The following B4GALNT3 variants were observed in gnomAD, a reference collection of about 807,000 sequenced individuals.
B4GALNT3 encodes beta-1,4-N-acetyl-galactosaminyltransferase 3.
B4GALNT3 carries 86 observed loss-of-function variants against 120.2 expected under a neutral mutation model. The ratio of observed to expected loss-of-function variants is 0.72; its 90% CI spans 0.60 to 0.86. The LOEUF (loss-of-function observed/expected upper bound fraction) is 0.86. Among genes scored for constraint, B4GALNT3 ranks in the 40% least tolerant of loss-of-function variants. The pLI is 0.00. For missense variants in B4GALNT3, 1,167 were observed against 1,298.9 expected, an observed-to-expected ratio of 0.90 and a Z score of 1.56; for synonymous variants, 518 against 510.4, an observed-to-expected ratio of 1.01 and a Z score of -0.20.
At chr12:483,737 T>C (rs1395431702) in intron 1 of B4GALNT3, among the ~76,000 whole-genome samples, 2 of 152,246 alleles carry the variant, frequency 1.3e-5, no homozygotes, top group Non-Finnish European at 2.9e-5. Context: ...ACGTGGCACA[T>C]GTGATCTCAT....
intron 1 of B4GALNT3, among the ~76,000 whole-genome samples, chr12:525,084 A>T (rs1946747751): frequency 1.0e-5 from 1 of 97,482 alleles, no homozygotes; most frequent in African/African-American, 4.3e-5. Context: ...TAAATAACAC[A>T]ATTTTATTTA....
intron 2 of B4GALNT3, 51 bp from the exon 3 acceptor site, chr12:536,167 A>G (rs1455966870): frequency 6.6e-7 from 1 of 1,512,292 alleles, no homozygotes; most frequent in East Asian, 2.3e-5. Flanking sequence ...TCCTGCCCGT[A>G]GCTTCTCATC....
At chr12:482,311 G>A (rs1289774319) in intron 1 of B4GALNT3, among the ~76,000 whole-genome samples, 1 of 152,206 alleles carries the variant, frequency 6.6e-6, no homozygotes, top group Non-Finnish European at 1.5e-5. Flanking sequence ...CACAGTCCAT[G>A]TATGCCAAGT....
intron 1 of B4GALNT3, among the ~76,000 whole-genome samples, chr12:521,782 C>T (rs1946712147): frequency 6.6e-6 from 1 of 152,174 alleles, no homozygotes; most frequent in East Asian, 1.9e-4. Context: ...GTACCGGCCT[C>T]ACTGAGGACA....
In B4GALNT3 at chr12:548,153, C is replaced by T; in HGVS notation, c.786+51C>T. On this transcript the variant is annotated intron_variant, in intron 8 of 19. Coordinates refer to ENST00000266383, the MANE Select transcript of B4GALNT3 (RefSeq NM_173593.4). The surrounding 1 kb of genome is among the most constrained non-coding windows in gnomAD (Gnocchi z 4.9). ...TCCCAGCTCAGTTCCTGGCACTCATCTCCCCTTGTCCCTTGACCCCTGTTG... is the reference window on the plus strand; with the variant it reads ...TCCCAGCTCAGTTCCTGGCACTCATTTCCCCTTGTCCCTTGACCCCTGTTG... The T allele has an allele frequency of 6.2e-7, 1 of 1,606,718 alleles. No individual in the cohort carries two copies. Among genetic ancestry groups the T allele is most frequent in the Non-Finnish European group, 8.5e-7 (1 of 1,173,304 alleles).
rs1944397819 is a variant in B4GALNT3 at position 522,567 on chromosome 12, G to A, written c.170-12599G>A. On this transcript the variant is annotated intron_variant, in intron 1 of 19. Transcript: ENST00000266383. Reference sequence around the variant, plus strand: ...GTACGGAGTTTCAGTTCGGCATGATGGGGAGGTTCCAGAGGTGGATGGTGG... The same window carrying A: ...GTACGGAGTTTCAGTTCGGCATGATAGGGAGGTTCCAGAGGTGGATGGTGG... Among the ~76,000 whole-genome samples the A allele has an allele frequency of 3.3e-5, 5 of 152,168 alleles. No homozygotes were observed. In the South Asian group the frequency reaches 1.0e-3, roughly 32 times the overall value.
In B4GALNT3 at chr12:557,602, GGGTAGTGAAGAACCA is replaced by G. The variant is rs1947173165; in HGVS notation, c.2381-3_2392del. On this transcript the variant is annotated splice_acceptor_variant and splice_polypyrimidine_tract_variant and coding_sequence_variant and intron_variant, in exon 16 of 20. Transcript: ENST00000266383. LOFTEE classifies it high-confidence loss of function. ...TTTCCTTCTCCTGCCTGACCCCCTG[GGGTAGTGAAGAACCA>G]GGCACGCTGGGTACAGCAATTCATC... is the stretch of plus-strand genomic sequence containing the variant. 1.2e-6 allele frequency: 2 copies of G among 1,607,778 alleles called. No homozygotes were observed. The highest frequency in any genetic ancestry group is 1.7e-6 in the Non-Finnish European group (2 of 1,177,898).
Position 556,715 on chromosome 12 carries a change from G to C in B4GALNT3, c.2229G>C (p.Glu743Asp). The C allele has an allele frequency of 6.2e-7, 1 of 1,613,912 alleles. No homozygotes were observed. Among genetic ancestry groups the C allele is most frequent in the Non-Finnish European group, 8.5e-7 (1 of 1,180,006 alleles). ...GWQGIDPAGG[E>D]EVEARNLQGL... is the part of the protein sequence containing the mutation. ...AGGGCATCGATCCAGCTGGTGGGGA[G>C]GAGGTCGAGGCCCGGAACCTGCAAG... The change falls in exon 15 of 20, where the codon GAG (glutamate) becomes GAC (aspartate). Residue 743 changes from glutamate to aspartate, a missense_variant. By Grantham distance (45) the Glu-to-Asp change is conservative. This residue lies in a region of B4GALNT3 where 983 missense variants were observed against 1,102.5 expected (regional missense o/e 0.89). Coordinates refer to ENST00000266383, the MANE Select transcript of B4GALNT3 (RefSeq NM_173593.4).
intron 1 of B4GALNT3, among the ~76,000 whole-genome samples, chr12:480,884 C>T (rs1222287565): frequency 1.3e-5 from 2 of 152,222 alleles, no homozygotes; most frequent in African/African-American, 4.8e-5. Context: ...TTGTCACAGC[C>T]TCCTCCTCTG....
intron 1 of B4GALNT3, among the ~76,000 whole-genome samples, chr12:482,757 A>G (rs1565590329): frequency 1.3e-5 from 2 of 152,268 alleles, no homozygotes; most frequent in East Asian, 3.9e-4. Context: ...GCTACTCAGG[A>G]GGCTAAGGTG....
At chr12:462,457 C>T (rs1477955231) in intron 1 of B4GALNT3, among the ~76,000 whole-genome samples, 5 of 150,630 alleles carry the variant, frequency 3.3e-5, no homozygotes, top group African/African-American at 1.2e-4. Context: ...TCCCGTGGGC[C>T]GCCTCATTCC....
chr12:516,021 C>T (rs1419772381), intron 1 of B4GALNT3, among the ~76,000 whole-genome samples: 14 of 152,056 alleles, frequency 9.2e-5, no homozygotes, highest in Non-Finnish European at 2.1e-4. Flanking sequence ...TGGCGGGTGC[C>T]TGTAGTCCCA....
At position 465,390 on chromosome 12, in the gene B4GALNT3, T is replaced by TA. The variant is rs1169638056; in HGVS notation, c.169+4846dup. Among the ~76,000 whole-genome samples the TA allele has an allele frequency of 3.3e-5, 5 of 152,300 alleles. No individual in the cohort carries two copies. The East Asian group carries it at 5.8e-4, about 18-fold the overall frequency. On this transcript the variant is annotated intron_variant, in intron 1 of 19. Coordinates refer to ENST00000266383, the MANE Select transcript of B4GALNT3 (RefSeq NM_173593.4). ...GCACCTGATATTTTCCACTGGCAGA[T>TA]ACTGTGTTTATCAGGGACTGATCCA...
chr12:470,770 G>A (rs945696029), intron 1 of B4GALNT3, among the ~76,000 whole-genome samples: 8 of 152,018 alleles, frequency 5.3e-5, no homozygotes, highest in African/African-American at 1.7e-4. Context: ...ATGGAGTCTC[G>A]CTCTGTCACC....
At position 549,784 on chromosome 12, in the gene B4GALNT3, A is replaced by G. The variant is rs202040345; in HGVS notation, c.869A>G (p.Gln290Arg). 3.1e-5 allele frequency: 50 copies of G among 1,613,760 alleles called. No homozygotes were observed. The East Asian group carries it at 9.1e-4, about 29-fold the overall frequency. The part of the protein sequence containing the change: ...LSLFTNETFL[Q>R]MDEVGHIPQT... The stretch of plus-strand genomic sequence containing the variant: ...CTGCGCCCAGATGAGACGTTCCTAC[A>G]GATGGATGAGGTGGGCCACATCCCA... Residue 290 changes from glutamine to arginine, a missense_variant, in exon 10 of 20, where the codon CAG becomes CGG. Physicochemically the swap from Gln to Arg is conservative, Grantham distance 43 (BLOSUM62 1). Transcript: ENST00000266383.
intron 1 of B4GALNT3, among the ~76,000 whole-genome samples, chr12:511,693 G>C (rs994633928): frequency 4.3e-5 from 1 of 23,058 alleles, no homozygotes; most frequent in African/African-American, 2.0e-4. Flanking sequence ...TCCACCTTCT[G>C]TCTTCCACCT....
chr12:467,415 T>C (rs575072210), intron 1 of B4GALNT3, among the ~76,000 whole-genome samples: 3 of 152,146 alleles, frequency 2.0e-5, no homozygotes, highest in East Asian at 1.9e-4. Flanking sequence ...AAAAAGTAGC[T>C]GGGTGTGGTG....
intron 19 of B4GALNT3, among the ~76,000 whole-genome samples, chr12:560,075 G>A (rs1044851284): frequency 7.2e-5 from 11 of 152,198 alleles, no homozygotes; most frequent in Middle Eastern, 3.2e-3. Context: ...GTGAGGAGGC[G>A]GAGGCTGTTC....
chr12:556,509 A>G, intron 14 of B4GALNT3, 38 bp from the exon 15 acceptor site: 1 of 1,574,530 alleles, frequency 6.4e-7, no homozygotes, highest in Non-Finnish European at 8.7e-7. Flanking sequence ...CCCAGTGTGG[A>G]AAGGAACCAC....
Sources: gnomAD v4.1 joint callset for allele counts (sites outside exome capture counted in the v4.1 genomes callset) on GRCh38, gnomAD v4.1.1 for gene constraint, gnomAD v4.1.1 regional missense constraint, Gnocchi (gnomAD v3.1) non-coding constraint, MANE v1.5 for transcripts, NCBI Gene and HGNC (gene_info 2026-07-23, HGNC 2026-07-21) for gene names.